ZNF536: variants seen among roughly 807,000 people sequenced by gnomAD.
ZNF536 encodes the protein zinc finger protein 536.
In ZNF536, 13 loss-of-function variants were observed where a neutral mutation model predicts 84.5. The ratio of observed to expected loss-of-function variants is 0.15; its 90% CI spans 0.10 to 0.24. The LOEUF is 0.24. Among genes scored for constraint, ZNF536 ranks in the 10% least tolerant of loss-of-function variants. The pLI is 1.00. For missense variants in ZNF536, 1,536 were observed against 1,747.5 expected (o/e 0.88, Z 2.16); for synonymous variants, 811 against 742.5 (o/e 1.09, Z -1.50).
chr19:30,596,589 T>C (rs2047472038), intron 1 of ZNF536, among the ~76,000 whole-genome samples: 1 of 152,214 alleles, frequency 6.6e-6, no homozygotes, highest in Non-Finnish European at 1.5e-5. Context: ...CAGTAAATTA[T>C]ACTTGTTCAG....
intron 2 of ZNF536, among the ~76,000 whole-genome samples, chr19:30,306,587 G>A (rs1189238535): frequency 6.6e-6 from 1 of 152,210 alleles, no homozygotes; most frequent in Non-Finnish European, 1.5e-5. Context: ...TATTTCACCT[G>A]CGACTTTGAT....
At chr19:30,486,211 A>C (rs1293515432) in intron 2 of ZNF536, among the ~76,000 whole-genome samples, 1 of 152,176 alleles carries the variant, frequency 6.6e-6, no homozygotes, top group Non-Finnish European at 1.5e-5. Context: ...CTAGGTATTA[A>C]GCCCAGCATG....
At chr19:30,471,960 A>G (rs756969986) in intron 2 of ZNF536, among the ~76,000 whole-genome samples, 25 of 151,970 alleles carry the variant, frequency 1.6e-4, no homozygotes, top group Non-Finnish European at 2.6e-4. Flanking sequence ...ATGCTACATG[A>G]GCCTTTATGC....
At chr19:30,487,351 A>G (rs944631161) in intron 2 of ZNF536, among the ~76,000 whole-genome samples, 1 of 152,200 alleles carries the variant, frequency 6.6e-6, no homozygotes, top group African/African-American at 2.4e-5. Flanking sequence ...GCCATTTACA[A>G]TGATGGTTTT....
Position 30,661,608 on chromosome 19 carries a change from C to T in ZNF536, c.170-49149C>T, listed in dbSNP as rs572275661. ...TTCCAAAGAAAATTATCTGACATGT[C>T]GGGGAAAGACTTTCGCATAAGGATA... On this transcript the variant is annotated intron_variant, in intron 1 of 1. Coordinates refer to the ZNF536 transcript ENST00000592773. Among the ~76,000 whole-genome samples the T allele has an allele frequency of 9.2e-5, 14 of 152,230 alleles. No homozygotes were observed. In the South Asian group the frequency reaches 1.7e-3, roughly 18 times the overall value.
intron 1 of ZNF536, among the ~76,000 whole-genome samples, chr19:30,428,023 T>C (rs2051289076): frequency 6.6e-6 from 1 of 152,266 alleles, no homozygotes; most frequent in Non-Finnish European, 1.5e-5. Context: ...GTGAATTCCC[T>C]GCTCACATGC....
intron 1 of ZNF536, among the ~76,000 whole-genome samples, chr19:30,692,926 C>A (rs2051471578): frequency 6.6e-6 from 1 of 151,990 alleles, no homozygotes; most frequent in Admixed American, 6.6e-5. Context: ...ACACGGGCTC[C>A]GTTTATAATT....
At chr19:30,236,816 A>C (rs920455718) in intron 1 of ZNF536, among the ~76,000 whole-genome samples, 1 of 151,738 alleles carries the variant, frequency 6.6e-6, no homozygotes, top group Non-Finnish European at 1.5e-5. Context: ...TGTCCTTTGG[A>C]GGGGGGTGGT....
At chr19:30,413,409 C>T (rs747716246) in intron 1 of ZNF536, among the ~76,000 whole-genome samples, 1 of 152,140 alleles carries the variant, frequency 6.6e-6, no homozygotes, top group South Asian at 2.1e-4. Flanking sequence ...AATTTTTATT[C>T]GTTTGTTTTG....
At chr19:30,567,430 G>T (rs919582844) in intron 1 of ZNF536, among the ~76,000 whole-genome samples, 2 of 152,192 alleles carry the variant, frequency 1.3e-5, no homozygotes, top group East Asian at 3.9e-4. Flanking sequence ...TGACAAAGTC[G>T]CAGTGATAAC....
chr19:30,500,027 C>T (rs2054885998), intron 2 of ZNF536, among the ~76,000 whole-genome samples: 1 of 152,210 alleles, frequency 6.6e-6, no homozygotes, highest in South Asian at 2.1e-4. Flanking sequence ...GAAGTACTCC[C>T]AAGCTCACCT....
chr19:30,680,725 G>A (rs1362346122), intron 1 of ZNF536, among the ~76,000 whole-genome samples: 2 of 152,124 alleles, frequency 1.3e-5, no homozygotes, highest in African/African-American at 4.8e-5. Flanking sequence ...ATGTGTATGT[G>A]TCTTTATAGC....
At position 30,633,672 on chromosome 19, in the gene ZNF536, C is replaced by T. The variant is rs924912559; in HGVS notation, c.170-77085C>T. ...CATATATCACTTCATATAATGTTCC[C>T]CAATTCCATCCAGATTGTCACAAAT... On this transcript the variant is annotated intron_variant, in intron 1 of 1. Transcript: ENST00000592773. Among the ~76,000 whole-genome samples the T allele has an allele frequency of 2.0e-4, 31 of 152,034 alleles. 1 individual carries two copies. Among genetic ancestry groups the T allele is most frequent in the Admixed American group, 1.3e-3 (20 of 15,256 alleles).
chr19:30,702,177 T>A (rs530468547), intron 1 of ZNF536, among the ~76,000 whole-genome samples: 1 of 152,344 alleles, frequency 6.6e-6, no homozygotes. Context: ...AAAGAGCAGA[T>A]ATTTCCATCC....
chr19:30,328,762 C>T (rs2047117115), intron 2 of ZNF536, among the ~76,000 whole-genome samples: 1 of 152,190 alleles, frequency 6.6e-6, no homozygotes, highest in Non-Finnish European at 1.5e-5. Flanking sequence ...ATTGGGGTTC[C>T]TTTTGGATTT....
rs763600734 is a variant in ZNF536, at chr19:30,444,325, G to A, written c.763G>A (p.Val255Met). 6.9e-6 allele frequency: 11 copies of A among 1,590,666 alleles called. No individual in the cohort carries two copies. The highest frequency in any genetic ancestry group is 1.7e-5 in the Admixed American group (1 of 58,894). The change falls in exon 2 of 5, where the codon GTG becomes ATG. Residue 255 changes from valine (V) to methionine (M), a missense_variant. Val to Met is a conservative substitution (Grantham distance 21). Around this residue, in one of 8 missense-constraint regions of ZNF536, gnomAD observed 138 missense variants for 136.8 expected, o/e 1.01. Coordinates refer to ENST00000355537, the MANE Select transcript of ZNF536 (RefSeq NM_014717.3). ...CAGCGTTCCCGACGTGGCCCACCCGGTGCCCTCGCCCAAGCCTGCCAGCGT... is the reference window on the plus strand; with the variant it reads ...CAGCGTTCCCGACGTGGCCCACCCGATGCCCTCGCCCAAGCCTGCCAGCGT... The part of the protein sequence containing the change: ...NHSVPDVAHP[V>M]PSPKPASVQE...
At chr19:30,649,465 G>A (rs2049612604) in intron 1 of ZNF536, among the ~76,000 whole-genome samples, 1 of 151,740 alleles carries the variant, frequency 6.6e-6, no homozygotes, top group African/African-American at 2.4e-5. Flanking sequence ...ATTTAGATGA[G>A]GAACATTAAG....
intron 1 of ZNF536, among the ~76,000 whole-genome samples, chr19:30,704,127 A>G (rs2148021588): frequency 6.6e-6 from 1 of 152,304 alleles, no homozygotes. Context: ...GGGAGAGGCT[A>G]TCGCCTTGAT....
intron 3 of ZNF536, among the ~76,000 whole-genome samples, chr19:30,541,105 C>T (rs921476400): frequency 6.6e-6 from 1 of 152,326 alleles, no homozygotes; most frequent in African/African-American, 2.4e-5. Context: ...GTGGAAACCA[C>T]CTTTCATCTT....
Sources: gnomAD v4.1 joint callset for allele counts (sites outside exome capture counted in the v4.1 genomes callset) on GRCh38, gnomAD v4.1.1 for gene constraint, gnomAD v4.1.1 regional missense constraint, MANE v1.5 for transcripts, NCBI Gene and HGNC (gene_info 2026-07-23, HGNC 2026-07-21) for gene names.